SNX30: variants seen among roughly 807,000 people sequenced by gnomAD.
SNX30 encodes the protein sorting nexin-30.
SNX30 carries 24 observed loss-of-function variants against 46.4 expected under a neutral mutation model. The ratio of observed to expected loss-of-function variants is 0.52; its 90% confidence interval spans 0.37 to 0.73. SNX30 has a LOEUF of 0.73. Ranked by LOEUF, SNX30 falls within the 30% of genes least tolerant of loss-of-function variation. The pLI is 0.00. For missense variants in SNX30, 533 were observed against 555.7 expected (o/e 0.96, Z 0.41); for synonymous variants, 189 against 211.5 (o/e 0.89, Z 0.92).
In SNX30 at chr9:112,874,080, C is replaced by A. The variant is rs1443567649; in HGVS notation, c.*5237C>A. 4 of 152,196 alleles carry A rather than the reference C, an allele frequency of 2.6e-5. No homozygotes were observed. Among genetic ancestry groups the A allele is most frequent in the Admixed American group, 2.6e-4 (4 of 15,278 alleles). The allele number at this position is 152,196 out of a possible 1,614,324, so 9.4% of individuals were successfully genotyped here. A position where few individuals can be genotyped will look rare whatever the true frequency, so the allele number is the denominator to read the frequency against. On this transcript the variant is annotated 3_prime_UTR_variant, in exon 9 of 9. Coordinates refer to ENST00000374232, the MANE Select transcript of SNX30 (RefSeq NM_001012994.2). The stretch of plus-strand genomic sequence containing the variant: ...TTGATTGTTCGCAGTCTTAGACCAA[C>A]ACTTCAGTCAGAAATGTTACTGGGA...
chr9:112,838,424 TG>T, intron 5 of SNX30, 73 bp from the exon 6 acceptor site: 1 of 1,272,064 alleles, frequency 7.9e-7, no homozygotes, highest in Non-Finnish European at 1.1e-6. Context: ...CTCTTGGCTG[TG>T]GTGATTACTG....
intron 1 of SNX30, among the ~76,000 whole-genome samples, chr9:112,756,022 A>T (rs189633791): frequency 8.5e-5 from 13 of 152,280 alleles, no homozygotes; most frequent in African/African-American, 2.6e-4. Context: ...GAATTTTTTT[A>T]AAATTGGGGA....
At chr9:112,814,467 C>G (rs944394588) in intron 2 of SNX30, among the ~76,000 whole-genome samples, 1 of 152,122 alleles carries the variant, frequency 6.6e-6, no homozygotes, top group Admixed American at 6.6e-5. Context: ...TCTTGAACTC[C>G]TGGACTCAAG....
At chr9:112,852,470 G>A (rs1841044262) in intron 7 of SNX30, among the ~76,000 whole-genome samples, 1 of 152,134 alleles carries the variant, frequency 6.6e-6, no homozygotes, top group Non-Finnish European at 1.5e-5. Context: ...TGATATCTCA[G>A]AAGTCCTGGA....
intron 1 of SNX30, among the ~76,000 whole-genome samples, chr9:112,774,663 A>G (rs1034863010): frequency 6.6e-6 from 1 of 152,140 alleles, no homozygotes; most frequent in Non-Finnish European, 1.5e-5. Flanking sequence ...GTGAGTATGT[A>G]GTGATATCTC....
At chr9:112,881,893 T>A (rs1051586535), downstream of SNX30, among the ~76,000 whole-genome samples, 7 of 152,186 alleles carry the variant, frequency 4.6e-5, no homozygotes, top group African/African-American at 1.7e-4. Context: ...TTAGGAAAAT[T>A]CTCTTTGAGA....
At position 112,750,908 on chromosome 9, in the gene SNX30, C is replaced by T; in HGVS notation, c.-94C>T. ...CGGTGCAAGGCCTCGGGTTAAGCGGCGGCCGAGCGGGGCTCGGCCCGGGGT... is the reference window on the plus strand; with the variant it reads ...CGGTGCAAGGCCTCGGGTTAAGCGGTGGCCGAGCGGGGCTCGGCCCGGGGT... On this transcript the variant is annotated 5_prime_UTR_variant, in exon 1 of 9. Coordinates refer to ENST00000374232, the MANE Select transcript of SNX30 (RefSeq NM_001012994.2). The T allele has an allele frequency of 9.1e-7, 1 of 1,099,500 alleles. No homozygotes were observed. Among genetic ancestry groups the T allele is most frequent in the Non-Finnish European group, 1.1e-6 (1 of 898,898 alleles). 68.1% of individuals were successfully genotyped at this position (1,099,500 alleles called of 1,614,324 possible).
intron 6 of SNX30, among the ~76,000 whole-genome samples, chr9:112,845,068 A>G (rs1374544490): frequency 2.0e-5 from 3 of 152,234 alleles, no homozygotes; most frequent in African/African-American, 7.2e-5. Flanking sequence ...AGGATGTGAA[A>G]TATGCCTGAT....
At chr9:112,836,558 G>A in intron 5 of SNX30, 149 bp downstream of exon 5, 1 of 818,540 alleles carries the variant, frequency 1.2e-6, no homozygotes, top group Non-Finnish European at 1.8e-6. Context: ...AGGAGGGGAG[G>A]AGTTACTTGT....
rs534115973 is a variant in SNX30 at position 112,787,942 on chromosome 9, G to A, written c.157-16834G>A. Among the ~76,000 whole-genome samples the A allele has an allele frequency of 2.6e-5, 4 of 151,970 alleles. No homozygotes were observed. In the South Asian group the frequency reaches 6.2e-4, roughly 24 times the overall value. On this transcript the variant is annotated intron_variant, in intron 1 of 8. Coordinates refer to ENST00000374232, the MANE Select transcript of SNX30 (RefSeq NM_001012994.2). ...CTCCCGAGTAGCTGGGACTACAGAC[G>A]CATGCCACCACACCTGGCTAATTTT...
At position 112,866,876 on chromosome 9, in the gene SNX30, T is replaced by A. The variant is rs1841355773; in HGVS notation, c.1255-1908T>A. Among the ~76,000 whole-genome samples, 6 of 139,772 alleles carry A rather than the reference T, an allele frequency of 4.3e-5. No individual in the cohort carries two copies. In the South Asian group the frequency reaches 1.4e-3, roughly 34 times the overall value. The allele number at this position is 139,772 out of a possible 152,430, so 91.7% of individuals were successfully genotyped here. ...CCACCTCCTCAGAACTCCTCCCACCTCCTCAGAACTCCTCCTCCCTCCTCA... is the reference window on the plus strand; with the variant it reads ...CCACCTCCTCAGAACTCCTCCCACCACCTCAGAACTCCTCCTCCCTCCTCA... On this transcript the variant is annotated intron_variant, in intron 8 of 8. Coordinates refer to ENST00000374232, the MANE Select transcript of SNX30 (RefSeq NM_001012994.2).
In SNX30 at chr9:112,792,381, C is replaced by G. The variant is rs72749812; in HGVS notation, c.157-12395C>G. Reference sequence around the variant, plus strand: ...TTTAATTTACAATCATACATAGACACAAGTTCTAAATAGTTATTGCCTGTT... The same window carrying G: ...TTTAATTTACAATCATACATAGACAGAAGTTCTAAATAGTTATTGCCTGTT... On this transcript the variant is annotated intron_variant, in intron 1 of 8. Transcript: ENST00000374232. Among the ~76,000 whole-genome samples, 829 of 152,294 alleles carry G rather than the reference C, an allele frequency of 5.4e-3. 2 individuals carry two copies. The highest frequency in any genetic ancestry group is 9.3e-3 in the Admixed American group (142 of 15,286).
intron 3 of SNX30, among the ~76,000 whole-genome samples, chr9:112,827,586 A>G (rs952242745): frequency 2.0e-5 from 3 of 152,160 alleles, no homozygotes; most frequent in African/African-American, 7.2e-5. Context: ...TTCTAAATCT[A>G]GGTTTACTAG....
chr9:112,827,777 G>A (rs1044817365), intron 3 of SNX30, among the ~76,000 whole-genome samples: 3 of 152,200 alleles, frequency 2.0e-5, no homozygotes, highest in Admixed American at 1.3e-4. Context: ...TGTGTTTAAT[G>A]TCTTACTTTG....
chr9:112,797,721 T>TC (rs1416489434), intron 1 of SNX30, among the ~76,000 whole-genome samples: 1 of 147,122 alleles, frequency 6.8e-6, no homozygotes, highest in African/African-American at 2.5e-5. Context: ...CTTTTTTTTT[T>TC]TTTTTTGAGA....
At position 112,818,744 on chromosome 9, in the gene SNX30, C is replaced by T. The variant is rs192503142; in HGVS notation, c.459+929C>T. The stretch of plus-strand genomic sequence containing the variant: ...TTCTGTTACTACCGCATCTCCCAGC[C>T]TTTTTCCCCCCATGGTTAGAAGAGG... On this transcript the variant is annotated intron_variant, in intron 3 of 8. Coordinates refer to ENST00000374232, the MANE Select transcript of SNX30 (RefSeq NM_001012994.2). Among the ~76,000 whole-genome samples the T allele has an allele frequency of 1.1e-3, 174 of 152,236 alleles. 1 individual carries two copies. The highest frequency in any genetic ancestry group is 2.3e-3 in the Non-Finnish European group (157 of 68,014).
chr9:112,768,234 A>G (rs990347823), intron 1 of SNX30, among the ~76,000 whole-genome samples: 1 of 152,104 alleles, frequency 6.6e-6, no homozygotes, highest in African/African-American at 2.4e-5. Context: ...GCTGCCTGGA[A>G]TGTCATGCGA....
chr9:112,768,859 G>GT lies in SNX30; in HGVS notation c.156+17704dup, dbSNP rs948581849. On this transcript the variant is annotated intron_variant, in intron 1 of 8. Coordinates refer to ENST00000374232, the MANE Select transcript of SNX30 (RefSeq NM_001012994.2). ...TTTTAGTAGAGATGGGTTTCACCAT[G>GT]TTGGCCAGGCTGGTCTCGAACTCCC... Among the ~76,000 whole-genome samples, 15 of 152,044 alleles carry GT rather than the reference G, an allele frequency of 9.9e-5. 1 individual carries two copies. Among genetic ancestry groups the GT allele is most frequent in the Admixed American group, 6.6e-4 (10 of 15,266 alleles).
At chr9:112,883,351 A>G (rs1841605091), downstream of SNX30, among the ~76,000 whole-genome samples, 1 of 152,156 alleles carries the variant, frequency 6.6e-6, no homozygotes, top group Non-Finnish European at 1.5e-5. Context: ...TACCAGGTGC[A>G]ATGCATGTAG....
Sources: allele counts gnomAD v4.1 joint callset (sites outside exome capture counted in the v4.1 genomes callset), GRCh38; gene constraint gnomAD v4.1.1; transcripts MANE v1.5; gene names NCBI Gene and HGNC (gene_info 2026-07-23, HGNC 2026-07-21).